The following SPTLC2 variants were observed in gnomAD, a reference collection of about 807,000 sequenced individuals.
The protein encoded by SPTLC2 is serine palmitoyltransferase 2.
In SPTLC2, 21 loss-of-function variants were observed where a neutral mutation model predicts 62.0. The observed-to-expected ratio is 0.34, with a 90% confidence interval of 0.24 to 0.49. SPTLC2 has a LOEUF of 0.49. Ranked by LOEUF, SPTLC2 falls within the 20% of genes least tolerant of loss-of-function variation. The pLI, the probability that SPTLC2 is intolerant of heterozygous loss-of-function variation, is 0.99. For missense variants in SPTLC2, 511 were observed against 713.0 expected (o/e 0.72, Z 3.23); for synonymous variants, 261 against 261.8 (o/e 1.00, Z 0.03).
At chr14:77,615,900 G>A (rs750425627) in intron 1 of SPTLC2, among the ~76,000 whole-genome samples, 5 of 152,202 alleles carry the variant, frequency 3.3e-5, no homozygotes, top group Non-Finnish European at 7.3e-5. Context: ...TTCCCTGCCA[G>A]ATCTATGGAC....
chr14:77,605,320 CTT>C lies in SPTLC2; in HGVS notation c.133-7942_133-7941del, dbSNP rs2079899580. Among the ~76,000 whole-genome samples the C allele has an allele frequency of 3.3e-5, 5 of 152,186 alleles. No homozygotes were observed. The South Asian group carries it at 1.0e-3, about 32-fold the overall frequency. On this transcript the variant is annotated intron_variant, in intron 1 of 11. Transcript: ENST00000216484. ...GCCACCATGCCTGGCCCAGAACAAA[CTT>C]ATTCTTATGTCATGTTTGTGGCAAC...
chr14:77,566,342 A>G (rs1282812467), intron 5 of SPTLC2, among the ~76,000 whole-genome samples: 1 of 152,206 alleles, frequency 6.6e-6, no homozygotes, highest in African/African-American at 2.4e-5. Context: ...ATCATGTTAA[A>G]AGATTTAAAA....
intron 9 of SPTLC2, among the ~76,000 whole-genome samples, chr14:77,550,217 T>C (rs1216393333): frequency 6.6e-6 from 1 of 152,234 alleles, no homozygotes; most frequent in Non-Finnish European, 1.5e-5. Flanking sequence ...TCCAAAAATC[T>C]CTCATTAGAG....
In SPTLC2 at chr14:77,576,777, C is replaced by T. The variant is rs1423474024; in HGVS notation, c.621G>A (p.Arg207=). 6.2e-7 allele frequency: 1 copy of T among 1,614,210 alleles called. No homozygotes were observed. The highest frequency in any genetic ancestry group is 2.2e-5 in the East Asian group (1 of 44,886). The change falls in exon 4 of 12, where the codon CGG becomes CGA. Residue 207 remains arginine, a synonymous_variant. Coordinates refer to ENST00000216484, the MANE Select transcript of SPTLC2 (RefSeq NM_004863.4). The part of the protein sequence containing the change: ...EEYGAGVCST[R]QEIGNLDKHE... ...ACAGCTTTCACTTACCAATTTCCTGCCGAGTACTGCACACTCCAGCTCCAT... is the reference window on the plus strand; with the variant it reads ...ACAGCTTTCACTTACCAATTTCCTGTCGAGTACTGCACACTCCAGCTCCAT...
intron 11 of SPTLC2, among the ~76,000 whole-genome samples, chr14:77,515,624 A>G (rs2079355120): frequency 7.0e-6 from 1 of 142,796 alleles, no homozygotes; most frequent in Admixed American, 7.4e-5. Flanking sequence ...ATCTCAGCTC[A>G]CTGCAACCTC....
At chr14:77,548,777 A>G (rs1275329419) in intron 9 of SPTLC2, among the ~76,000 whole-genome samples, 1 of 152,166 alleles carries the variant, frequency 6.6e-6, no homozygotes, top group Non-Finnish European at 1.5e-5. Context: ...GTTGGGAGGA[A>G]GGGGAAAGGA....
At chr14:77,579,171 A>C in intron 2 of SPTLC2, 62 bp from the exon 3 acceptor site, 4 of 1,549,940 alleles carry the variant, frequency 2.6e-6, no homozygotes, top group Non-Finnish European at 3.5e-6. Context: ...AAATTTTTTA[A>C]CAGATGACAT....
chr14:77,542,308 T>C (rs968376286), intron 9 of SPTLC2, among the ~76,000 whole-genome samples: 1 of 152,034 alleles, frequency 6.6e-6, no homozygotes, highest in African/African-American at 2.4e-5. Flanking sequence ...AAAAGAAATA[T>C]TAGCTAACAG....
At chr14:77,611,367 A>G (rs4899661) in intron 1 of SPTLC2, among the ~76,000 whole-genome samples, 66,050 of 149,012 alleles carry the variant, frequency 0.44, 14,844 homozygotes, top group East Asian at 0.64. Flanking sequence ...GGAGGCTGAG[A>G]TGGGAGGATC....
intron 8 of SPTLC2, chr14:77,554,935 T>TCG: frequency 3.0e-6 from 1 of 331,558 alleles, no homozygotes; most frequent in South Asian, 2.7e-5. Context: ...CAAGGTGACC[T>TCG]GCTATTCCCA....
At chr14:77,601,411 C>T (rs560913810) in intron 1 of SPTLC2, among the ~76,000 whole-genome samples, 47 of 152,316 alleles carry the variant, frequency 3.1e-4, no homozygotes, top group African/African-American at 1.1e-3. Context: ...AACATTGCTC[C>T]TAACTCCACC....
At chr14:77,557,176 C>A (rs2272587) in intron 6 of SPTLC2, 30 bp from the exon 7 acceptor site, 27 of 1,553,308 alleles carry the variant, frequency 1.7e-5, no homozygotes, top group East Asian at 2.2e-5. Context: ...ACAGTTATAC[C>A]GCATCTTCCT....
At chr14:77,522,333 T>G (rs952843992) in intron 9 of SPTLC2, among the ~76,000 whole-genome samples, 2 of 152,164 alleles carry the variant, frequency 1.3e-5, no homozygotes, top group African/African-American at 4.8e-5. Context: ...CAGCTAACTT[T>G]TGTATTTTTA....
intron 3 of SPTLC2, 86 bp downstream of exon 3, chr14:77,578,869 G>A: frequency 2.8e-6 from 4 of 1,446,668 alleles, no homozygotes. Flanking sequence ...TATTTTGAGA[G>A]AATACTCAAT....
intron 2 of SPTLC2, among the ~76,000 whole-genome samples, chr14:77,582,066 T>G (rs2079754396): frequency 6.6e-6 from 1 of 151,948 alleles, no homozygotes; most frequent in African/African-American, 2.4e-5. Context: ...AAAAAATTTT[T>G]TTTTGAGACA....
At chr14:77,582,652 G>A (rs1379129909) in intron 2 of SPTLC2, among the ~76,000 whole-genome samples, 1 of 152,142 alleles carries the variant, frequency 6.6e-6, no homozygotes, top group Non-Finnish European at 1.5e-5. Context: ...AGGAAGCAAT[G>A]GGTTCCAATT....
Position 77,546,578 on chromosome 14 carries a change from T to A in SPTLC2, c.1303+5518A>T, listed in dbSNP as rs1018287892. On this transcript the variant is annotated intron_variant, in intron 9 of 11. Coordinates refer to ENST00000216484, the MANE Select transcript of SPTLC2 (RefSeq NM_004863.4). The stretch of plus-strand genomic sequence containing the variant: ...CAAAGGAAGAATTTATCTGTGCCTC[T>A]GAGACTAGTTCTTCCCGGGAATCTT... Among the ~76,000 whole-genome samples the A allele has an allele frequency of 3.3e-5, 5 of 152,278 alleles. No homozygotes were observed. The East Asian group carries it at 9.6e-4, about 29-fold the overall frequency.
At chr14:77,597,861 C>T (rs1054099888) in intron 1 of SPTLC2, among the ~76,000 whole-genome samples, 4 of 150,874 alleles carry the variant, frequency 2.7e-5, no homozygotes, top group Admixed American at 6.6e-5. Flanking sequence ...CGGTGGCTCA[C>T]GCCTATAATC....
intron 9 of SPTLC2, among the ~76,000 whole-genome samples, chr14:77,532,738 A>C (rs1004590612): frequency 4.6e-4 from 70 of 151,690 alleles, no homozygotes; most frequent in Admixed American, 9.9e-4. Flanking sequence ...GAGCCGAGAT[A>C]GTGCCACTGC....
Sources: allele counts gnomAD v4.1 joint callset (sites outside exome capture counted in the v4.1 genomes callset), GRCh38; gene constraint gnomAD v4.1.1; transcripts MANE v1.5; gene names NCBI Gene and HGNC (gene_info 2026-07-23, HGNC 2026-07-21).